The following TES variants were observed in gnomAD, a reference collection of about 807,000 sequenced individuals.
TES encodes the protein testin.
A neutral mutation model predicts 48.2 loss-of-function variants in TES; 41 were observed. The observed-to-expected ratio is 0.85, with a 90% CI of 0.66 to 1.10. The LOEUF (loss-of-function observed/expected upper bound fraction) is 1.10, where lower values mean the gene tolerates loss of function less well. Ranked by LOEUF, TES falls within the 50% of genes least tolerant of loss-of-function variation. TES has a pLI of 0.00. For missense variants in TES, 463 were observed against 515.1 expected, an observed-to-expected ratio of 0.90 and a Z score of 0.98; for synonymous variants, 162 against 174.9, an observed-to-expected ratio of 0.93 and a Z score of 0.58.
chr7:116,250,590 T>C (rs1799992683), intron 4 of TES, 94 bp downstream of exon 4: 2 of 960,166 alleles, frequency 2.1e-6, no homozygotes, highest in Non-Finnish European at 2.9e-6. Context: ...TTCCTCTGAG[T>C]TTCCAAAAGG....
chr7:116,257,770 C>T lies in TES; in HGVS notation c.*288C>T. The T allele has an allele frequency of 4.7e-6, 1 of 213,986 alleles. No homozygotes were observed. The allele number at this position is 213,986 out of a possible 1,614,324, so 13.3% of individuals were successfully genotyped here. A position where few individuals can be genotyped will look rare whatever the true frequency, so the allele number is the denominator to read the frequency against. On this transcript the variant is annotated 3_prime_UTR_variant, in exon 7 of 7. Transcript: ENST00000358204. ...GCTTGGATCTCATTAAACTTCATGTCTCTATTCCATTTGTGCCACACACTT... is the reference window on the plus strand; with the variant it reads ...GCTTGGATCTCATTAAACTTCATGTTTCTATTCCATTTGTGCCACACACTT...
At chr7:116,253,934 T>G (rs1258845071) in intron 6 of TES, among the ~76,000 whole-genome samples, 1 of 151,958 alleles carries the variant, frequency 6.6e-6, no homozygotes, top group African/African-American at 2.4e-5. Flanking sequence ...AGGGTAGAGC[T>G]TGCCTTATAT....
intron 2 of TES, among the ~76,000 whole-genome samples, chr7:116,239,517 G>T (rs1396098061): frequency 1.3e-5 from 2 of 152,202 alleles, no homozygotes; most frequent in Admixed American, 6.5e-5. Context: ...ATGGCTTATA[G>T]ATGGCAGAGC....
intron 1 of TES, among the ~76,000 whole-genome samples, chr7:116,228,813 G>C (rs1018605657): frequency 6.6e-6 from 1 of 151,618 alleles, no homozygotes; most frequent in Non-Finnish European, 1.5e-5. Flanking sequence ...AAAATTAAAA[G>C]GTATCTTGGA....
rs541553411 is a variant in TES at position 116,242,181 on chromosome 7, A to G, written c.114-6839A>G. Among the ~76,000 whole-genome samples, 153 of 152,286 alleles carry G rather than the reference A, an allele frequency of 1.0e-3. 1 individual carries two copies. Among genetic ancestry groups the G allele is most frequent in the Non-Finnish European group, 1.6e-3 (111 of 68,004 alleles). On this transcript the variant is annotated intron_variant, in intron 2 of 6. Coordinates refer to ENST00000358204, the MANE Select transcript of TES (RefSeq NM_015641.4). ...TGCATGCTGTAGCTCACAGCCATAT[A>G]AGGATCTATTTAGCTATATTAAGAA... is the stretch of plus-strand genomic sequence containing the variant.
At chr7:116,239,542 G>A (rs149452545) in intron 2 of TES, among the ~76,000 whole-genome samples, 1 of 152,300 alleles carries the variant, frequency 6.6e-6, no homozygotes, top group African/African-American at 2.4e-5. Context: ...TTTGAACTCA[G>A]AGTTTTCCAA....
intron 3 of TES, 115 bp downstream of exon 3, chr7:116,249,387 G>A: frequency 3.2e-6 from 4 of 1,247,944 alleles, no homozygotes; most frequent in Middle Eastern, 1.9e-4. Context: ...ATTCTTCCGG[G>A]GTTCTCATTA....
At chr7:116,255,123 C>T (rs1457951422) in intron 6 of TES, 1 of 151,858 alleles carries the variant, frequency 6.6e-6, no homozygotes, top group Non-Finnish European at 1.5e-5. Flanking sequence ...CCTACTTTGT[C>T]TCTGTGTAGT....
intron 2 of TES, among the ~76,000 whole-genome samples, chr7:116,246,946 C>CT (rs148032626): frequency 0.15 from 20,078 of 130,468 alleles, 1,836 homozygotes; most frequent in East Asian, 0.37. Context: ...AGACTAGGCC[C>CT]CTTTTTTTTT....
intron 2 of TES, among the ~76,000 whole-genome samples, chr7:116,240,179 G>A (rs1172916095): frequency 6.6e-6 from 1 of 152,160 alleles, no homozygotes; most frequent in Admixed American, 6.5e-5. Context: ...CAAAAGGGCA[G>A]CTTCCAACCC....
intron 1 of TES, among the ~76,000 whole-genome samples, chr7:116,216,121 T>C (rs990079939): frequency 6.6e-6 from 1 of 152,148 alleles, no homozygotes; most frequent in African/African-American, 2.4e-5. Context: ...GGGGCTTTCT[T>C]AGTGGAAAGA....
At chr7:116,256,749 A>G (rs576913562) in intron 6 of TES, among the ~76,000 whole-genome samples, 9 of 152,364 alleles carry the variant, frequency 5.9e-5, no homozygotes, top group African/African-American at 2.2e-4. Flanking sequence ...ATAGAAGCCA[A>G]TTAACTACAA....
intron 2 of TES, 46 bp downstream of exon 2, chr7:116,234,665 G>T (rs1225216298): frequency 2.0e-6 from 3 of 1,495,800 alleles, no homozygotes; most frequent in Non-Finnish European, 2.8e-6. Context: ...TATACTTTTT[G>T]CAATACTTCC....
intron 1 of TES, chr7:116,222,875 C>A: frequency 1.5e-6 from 1 of 662,924 alleles, no homozygotes; most frequent in Non-Finnish European, 1.9e-6. Context: ...AGCCAGAGCT[C>A]AGCCAATCCT....
chr7:116,229,008 A>AAC (rs1432659047), intron 1 of TES, among the ~76,000 whole-genome samples: 4 of 96,700 alleles, frequency 4.1e-5, no homozygotes, highest in African/African-American at 1.6e-4. Context: ...CTATATATAT[A>AAC]TATATATATA....
chr7:116,223,033 A>G (rs1253994105), intron 1 of TES: 1 of 980,034 alleles, frequency 1.0e-6, no homozygotes, highest in Non-Finnish European at 1.2e-6. Context: ...ATTGGTAAGC[A>G]TTTCAAATGA....
Position 116,250,416 on chromosome 7 carries a change from AT to A in TES, c.624del (p.Pro209LeufsTer33). 1 of 1,612,206 alleles carries A rather than the reference AT, an allele frequency of 6.2e-7. No homozygotes were observed. On this transcript the variant is annotated frameshift_variant, in exon 4 of 7. Transcript: ENST00000358204. LOFTEE classifies it high-confidence loss of function. ...TGCCCAAGGCCCCAAACAAATGAACATTCCTGGAGGGGATAGAAGCACCCCA... is the reference window on the plus strand; with the variant it reads ...TGCCCAAGGCCCCAAACAAATGAACATCCTGGAGGGGATAGAAGCACCCCA... ...MDAQGPKQMNIPGGDRSTPAA... is the reference protein window; with the variant it reads ...MDAQGPKQMNXPGGDRSTPAA...
At position 116,250,471 on chromosome 7, in the gene TES, C is replaced by A; in HGVS notation, c.677C>A (p.Ser226Tyr). The change falls in exon 4 of 7, where the codon TCT becomes TAT. Residue 226 changes from serine (S) to tyrosine (Y), a missense_variant. Coordinates refer to ENST00000358204, the MANE Select transcript of TES (RefSeq NM_015641.4). Reference sequence around the variant, plus strand: ...GCAGTGGGGGCCATGGAGGACAAATCTGCTGAGCACAAAAGAACTCAATAT... The same window carrying A: ...GCAGTGGGGGCCATGGAGGACAAATATGCTGAGCACAAAAGAACTCAATAT... ...PAAVGAMEDK[S>Y]AEHKRTQYSC... is the part of the protein sequence containing the mutation. 1 of 1,563,388 alleles carries A rather than the reference C, an allele frequency of 6.4e-7. No homozygotes were observed.
chr7:116,242,586 A>G (rs989978482), intron 2 of TES, among the ~76,000 whole-genome samples: 1 of 152,082 alleles, frequency 6.6e-6, no homozygotes, highest in Non-Finnish European at 1.5e-5. Flanking sequence ...TTCAGTTTGC[A>G]TACTGAAAAG....
Sources: allele counts gnomAD v4.1 joint callset (sites outside exome capture counted in the v4.1 genomes callset), GRCh38; gene constraint gnomAD v4.1.1; transcripts MANE v1.5; gene names NCBI Gene and HGNC (gene_info 2026-07-23, HGNC 2026-07-21).